IL1RAP: variants seen among roughly 807,000 people sequenced by gnomAD.
The protein encoded by IL1RAP is interleukin-1 receptor accessory protein.
In IL1RAP, 35 loss-of-function variants were observed where a neutral mutation model predicts 60.7. The ratio of observed to expected loss-of-function variants is 0.58; its 90% confidence interval spans 0.44 to 0.76. IL1RAP has a LOEUF of 0.76. IL1RAP is among the 30% of genes least tolerant of loss of function. IL1RAP has a pLI of 0.00. For missense variants in IL1RAP, 572 were observed against 693.9 expected (o/e 0.82, Z 1.97); for synonymous variants, 268 against 250.9 (o/e 1.07, Z -0.64).
At chr3:190,651,781 A>G (rs1577835964), downstream of IL1RAP, among the ~76,000 whole-genome samples, 1 of 124,356 alleles carries the variant, frequency 8.0e-6, no homozygotes, top group Non-Finnish European at 1.5e-5. Flanking sequence ...TTATGTGTGT[A>G]TGTGTATGTG....
chr3:190,630,045 C>G, intron 9 of IL1RAP: 1 of 806,348 alleles, frequency 1.2e-6, no homozygotes. Flanking sequence ...CAATTGTATG[C>G]AACTAATTAA....
chr3:190,515,169 A>G (rs1177123584), intron 1 of IL1RAP, among the ~76,000 whole-genome samples: 1 of 151,962 alleles, frequency 6.6e-6, no homozygotes, highest in Non-Finnish European at 1.5e-5. Context: ...ATGTATTAGC[A>G]GTGTGAACTT....
At chr3:190,581,635 A>G (rs1203022322) in intron 3 of IL1RAP, among the ~76,000 whole-genome samples, 1 of 152,240 alleles carries the variant, frequency 6.6e-6, no homozygotes, top group Non-Finnish European at 1.5e-5. Context: ...CTTGACAACC[A>G]GTTTATGGTC....
intron 3 of IL1RAP, among the ~76,000 whole-genome samples, chr3:190,578,135 T>C (rs1347676870): frequency 6.6e-6 from 1 of 152,182 alleles, no homozygotes; most frequent in East Asian, 1.9e-4. Context: ...TTATGCAATA[T>C]TCCCATGTTA....
chr3:190,545,735 G>A (rs970947011), intron 1 of IL1RAP, among the ~76,000 whole-genome samples: 1 of 152,162 alleles, frequency 6.6e-6, no homozygotes, highest in Non-Finnish European at 1.5e-5. Context: ...TCTGTAAAAT[G>A]GGATTGAAAT....
chr3:190,570,255 A>G (rs984269960), intron 3 of IL1RAP, among the ~76,000 whole-genome samples: 2 of 152,210 alleles, frequency 1.3e-5, no homozygotes, highest in South Asian at 2.1e-4. Context: ...AAGCTGATGT[A>G]CAAAATTTTC....
At position 190,542,391 on chromosome 3, in the gene IL1RAP, A is replaced by G. The variant is rs140034752; in HGVS notation, c.-88-13739A>G. Among the ~76,000 whole-genome samples, 288 of 152,268 alleles carry G rather than the reference A, an allele frequency of 1.9e-3. 2 individuals carry two copies. The highest frequency in any genetic ancestry group is 0.014 in the Middle Eastern group (4 of 294). On this transcript the variant is annotated intron_variant, in intron 1 of 11. Transcript: ENST00000447382. ...TCACCTTTCTGCACCTAATTTCATCATCTGTAAGACAGGAAAATTATATTC... is the reference window on the plus strand; with the variant it reads ...TCACCTTTCTGCACCTAATTTCATCGTCTGTAAGACAGGAAAATTATATTC...
intron 10 of IL1RAP, 50 bp downstream of exon 10, chr3:190,644,447 C>G: frequency 7.4e-7 from 1 of 1,350,744 alleles, no homozygotes; most frequent in Non-Finnish European, 1.0e-6. Flanking sequence ...ATCTTTAGAA[C>G]ATATGTTGTA....
At chr3:190,561,280 T>A (rs1362359299) in intron 2 of IL1RAP, among the ~76,000 whole-genome samples, 2 of 152,196 alleles carry the variant, frequency 1.3e-5, no homozygotes, top group African/African-American at 4.8e-5. Context: ...GACCCAGCAT[T>A]CTCTGAGAGG....
chr3:190,517,538 T>C (rs988391005), intron 1 of IL1RAP, among the ~76,000 whole-genome samples: 1 of 152,214 alleles, frequency 6.6e-6, no homozygotes, highest in African/African-American at 2.4e-5. Context: ...TGGAGGCTCA[T>C]GTTGGAAGAT....
intron 1 of IL1RAP, among the ~76,000 whole-genome samples, chr3:190,551,340 G>A (rs1269340511): frequency 6.6e-6 from 1 of 152,172 alleles, no homozygotes; most frequent in Non-Finnish European, 1.5e-5. Context: ...AAGAAAAATG[G>A]ATGCTTATTG....
intron 2 of IL1RAP, chr3:190,563,841 G>C (rs1405662666): frequency 1.2e-5 from 2 of 164,416 alleles, no homozygotes; most frequent in Admixed American, 1.2e-4. Flanking sequence ...GGGGTAAGAA[G>C]GTTGAATTTA....
At chr3:190,603,354 T>A (rs1022222766) in intron 3 of IL1RAP, among the ~76,000 whole-genome samples, 3 of 152,238 alleles carry the variant, frequency 2.0e-5, no homozygotes, top group African/African-American at 7.2e-5. Context: ...TATTTGACTC[T>A]GTCATTGAAA....
chr3:190,544,749 T>C (rs1362022109), intron 1 of IL1RAP, among the ~76,000 whole-genome samples: 1 of 152,246 alleles, frequency 6.6e-6, no homozygotes, highest in Non-Finnish European at 1.5e-5. Context: ...ACACTGTATA[T>C]TATTACTAAG....
At chr3:190,521,841 T>A (rs954622345) in intron 1 of IL1RAP, among the ~76,000 whole-genome samples, 4 of 150,672 alleles carry the variant, frequency 2.7e-5, no homozygotes. Flanking sequence ...GAAATGATAA[T>A]AGAGCCTTTC....
At chr3:190,617,410 C>A (rs561762578) in intron 5 of IL1RAP, among the ~76,000 whole-genome samples, 1 of 152,202 alleles carries the variant, frequency 6.6e-6, no homozygotes, top group South Asian at 2.1e-4. Context: ...TGTTCTTTAC[C>A]TATATGTTGT....
intron 3 of IL1RAP, among the ~76,000 whole-genome samples, chr3:190,594,554 T>C (rs1729220284): frequency 6.6e-6 from 1 of 152,202 alleles, no homozygotes; most frequent in Non-Finnish European, 1.5e-5. Flanking sequence ...ATCTACCATA[T>C]GACAAATTTC....
rs528454269 is a variant in IL1RAP at position 190,535,824 on chromosome 3, A to G, written c.-88-20306A>G. On this transcript the variant is annotated intron_variant, in intron 1 of 11. Transcript: ENST00000447382. ...CCTTTGTCCTTTTGTTTTTCTGTCT[A>G]TTAAGTGCTGTGTTTGGCCCAGTCT... 5.3e-5 allele frequency among the ~76,000 whole-genome samples: 8 copies of G among 152,270 alleles called. No individual in the cohort carries two copies. In the South Asian group the frequency reaches 1.0e-3, roughly 20 times the overall value.
chr3:190,624,327 G>T (rs1015273012), intron 7 of IL1RAP, among the ~76,000 whole-genome samples: 1 of 152,210 alleles, frequency 6.6e-6, no homozygotes, highest in African/African-American at 2.4e-5. Context: ...GGCTTGACTG[G>T]CATTTGGTGG....
Sources: gnomAD v4.1 joint callset for allele counts (sites outside exome capture counted in the v4.1 genomes callset) on GRCh38, gnomAD v4.1.1 for gene constraint, MANE v1.5 for transcripts, NCBI Gene and HGNC (gene_info 2026-07-23, HGNC 2026-07-21) for gene names.